Variants in ZRANB3 observed in about 807,000 individuals in gnomAD.
The protein encoded by ZRANB3 is zinc finger RANBP2-type containing 3, also known as DNA annealing helicase and endonuclease ZRANB3.
ZRANB3 carries 125 observed loss-of-function variants against 133.8 expected under a neutral mutation model. The observed-to-expected ratio is 0.93, with a 90% CI of 0.81 to 1.08. The LOEUF (loss-of-function observed/expected upper bound fraction) is 1.08. Among genes scored for constraint, ZRANB3 ranks in the 50% least tolerant of loss-of-function variants. ZRANB3 has a pLI of 0.00. For missense variants in ZRANB3, 1,229 were observed against 1,275.5 expected, an observed-to-expected ratio of 0.96 and a Z score of 0.56; for synonymous variants, 387 against 432.7, an observed-to-expected ratio of 0.89 and a Z score of 1.31.
chr2:135,511,381 CT>C, intron 1 of ZRANB3: 1 of 802,726 alleles, frequency 1.2e-6, no homozygotes, highest in Non-Finnish European at 2.3e-6. Context: ...ACTGGCTCCT[CT>C]AAATGTTCTT....
At chr2:135,248,134 G>C (rs1695884584) in intron 12 of ZRANB3, among the ~76,000 whole-genome samples, 1 of 152,134 alleles carries the variant, frequency 6.6e-6, no homozygotes, top group Non-Finnish European at 1.5e-5. Context: ...AGGTGACTAG[G>C]GACTGGAGGG....
intron 2 of ZRANB3, among the ~76,000 whole-genome samples, chr2:135,403,482 C>T (rs1048682159): frequency 8.5e-5 from 13 of 152,240 alleles, no homozygotes; most frequent in Admixed American, 4.6e-4. Context: ...GAGCCCACTG[C>T]AGCTCAAGGA....
intron 8 of ZRANB3, among the ~76,000 whole-genome samples, chr2:135,301,334 C>T (rs1682422705): frequency 6.6e-6 from 1 of 151,944 alleles, no homozygotes; most frequent in Admixed American, 6.6e-5. Context: ...TATAGGCACG[C>T]ACCACCATGC....
chr2:135,313,454 T>C, intron 8 of ZRANB3, 35 bp downstream of exon 8: 1 of 1,360,228 alleles, frequency 7.4e-7, no homozygotes, highest in Non-Finnish European at 1.0e-6. Context: ...ATAATTTGTA[T>C]GAAGACAAAT....
In ZRANB3 at chr2:135,342,290, G is replaced by A. The variant is rs145737470; in HGVS notation, c.677+3260C>T. ...CCCCCAATAGTGATCTGCCCACCTC[G>A]GCCTCCCAAAGTGCTGGGATTATAG... On this transcript the variant is annotated intron_variant, in intron 6 of 20. Transcript: ENST00000264159. Among the ~76,000 whole-genome samples the A allele has an allele frequency of 3.3e-3, 492 of 149,922 alleles. 56 individuals are homozygous for A. The highest frequency in any genetic ancestry group is 0.012 in the African/African-American group (468 of 39,320).
At chr2:135,456,166 T>C (rs1339715340) in intron 2 of ZRANB3, among the ~76,000 whole-genome samples, 1 of 152,164 alleles carries the variant, frequency 6.6e-6, no homozygotes, top group Admixed American at 6.5e-5. Context: ...CTCCAAAACA[T>C]GTAAGAATTC....
intron 3 of ZRANB3, among the ~76,000 whole-genome samples, chr2:135,356,958 A>T (rs1303416864): frequency 6.6e-6 from 1 of 152,136 alleles, no homozygotes; most frequent in Non-Finnish European, 1.5e-5. Context: ...TGCTGGGATT[A>T]TAGGTGAGGG....
At chr2:135,255,766 G>A (rs1679621479) in intron 12 of ZRANB3, among the ~76,000 whole-genome samples, 1 of 151,988 alleles carries the variant, frequency 6.6e-6, no homozygotes, top group South Asian at 2.1e-4. Flanking sequence ...GGGATCACTG[G>A]ACCAGGATTT....
intron 2 of ZRANB3, among the ~76,000 whole-genome samples, chr2:135,497,465 T>A (rs1271932216): frequency 6.6e-6 from 1 of 152,230 alleles, no homozygotes; most frequent in Non-Finnish European, 1.5e-5. Flanking sequence ...TGTAACTATT[T>A]AAATTTGAAT....
At chr2:135,310,022 C>T (rs1385899682) in intron 8 of ZRANB3, among the ~76,000 whole-genome samples, 2 of 152,058 alleles carry the variant, frequency 1.3e-5, no homozygotes, top group African/African-American at 4.8e-5. Context: ...CTGCAACCTC[C>T]ACCTCCTGGG....
chr2:135,368,424 T>C (rs992521367), intron 3 of ZRANB3, among the ~76,000 whole-genome samples: 9 of 152,126 alleles, frequency 5.9e-5, no homozygotes, highest in Middle Eastern at 6.9e-3. Context: ...ACTGAAATAT[T>C]AGTGGCATTA....
At chr2:135,434,502 A>T (rs777931043) in intron 2 of ZRANB3, among the ~76,000 whole-genome samples, 1 of 152,240 alleles carries the variant, frequency 6.6e-6, no homozygotes, top group Admixed American at 6.5e-5. Flanking sequence ...ATGGTGATTG[A>T]TGTGCAACAG....
intron 2 of ZRANB3, among the ~76,000 whole-genome samples, chr2:135,412,189 G>C (rs1406604587): frequency 6.6e-6 from 1 of 152,032 alleles, no homozygotes. Context: ...GAAATGCTCA[G>C]GTTTTTTAGC....
chr2:135,370,683 GA>G (rs1686137484), intron 3 of ZRANB3, among the ~76,000 whole-genome samples: 1 of 152,208 alleles, frequency 6.6e-6, no homozygotes, highest in South Asian at 2.1e-4. Flanking sequence ...TACTCTACAT[GA>G]AAAGTTGGGA....
At chr2:135,272,435 G>C (rs1213236882) in intron 9 of ZRANB3, among the ~76,000 whole-genome samples, 1 of 60,276 alleles carries the variant, frequency 1.7e-5, no homozygotes, top group African/African-American at 1.8e-4. Context: ...TTTTTTTTGT[G>C]ACGGAGTCTT....
chr2:135,207,095 G>C (rs1264377530), intron 19 of ZRANB3, among the ~76,000 whole-genome samples: 12 of 151,996 alleles, frequency 7.9e-5, no homozygotes, highest in Admixed American at 7.9e-4. Flanking sequence ...AACCCAGGTG[G>C]CAGAGGTTGC....
At chr2:135,360,845 CAACCTCAA>C (rs1211762625) in intron 3 of ZRANB3, among the ~76,000 whole-genome samples, 1 of 152,194 alleles carries the variant, frequency 6.6e-6, no homozygotes, top group Non-Finnish European at 1.5e-5. Context: ...CAGCTCACTG[CAACCTCAA>C]ACTCCTGGGC....
At chr2:135,476,568 A>G (rs1691506034) in intron 2 of ZRANB3, among the ~76,000 whole-genome samples, 1 of 152,192 alleles carries the variant, frequency 6.6e-6, no homozygotes, top group South Asian at 2.1e-4. Flanking sequence ...GATAAAACAA[A>G]AGGCAGTACT....
rs140546285 is a variant in ZRANB3, at chr2:135,224,365, G to A, written c.2250+61C>T. On this transcript the variant is annotated intron_variant, in intron 15 of 20. Coordinates refer to ENST00000264159, the MANE Select transcript of ZRANB3 (RefSeq NM_032143.4). The stretch of plus-strand genomic sequence containing the variant: ...GTTAATAAAATTAAGTATCTCCACT[G>A]AAAAGTGAAAAAAGGAAGTCTTTTT... The A allele has an allele frequency of 4.9e-5, 66 of 1,355,318 alleles. No individual in the cohort carries two copies. In the East Asian group the frequency reaches 1.4e-3, roughly 29 times the overall value. 84.0% of individuals were successfully genotyped at this position (1,355,318 alleles called of 1,614,324 possible). A position where few individuals can be genotyped will look rare whatever the true frequency, so the allele number is the denominator to read the frequency against.
Sources: allele counts gnomAD v4.1 joint callset (sites outside exome capture counted in the v4.1 genomes callset), GRCh38; gene constraint gnomAD v4.1.1; transcripts MANE v1.5; gene names NCBI Gene and HGNC (gene_info 2026-07-23, HGNC 2026-07-21).